The following ZBED4 variants were observed in gnomAD, a reference collection of about 807,000 sequenced individuals.
The protein encoded by ZBED4 is zinc finger BED domain-containing protein 4.
A neutral mutation model predicts 15.5 loss-of-function variants in ZBED4; 4 were observed. The ratio of observed to expected loss-of-function variants is 0.26; its 90% CI spans 0.13 to 0.59. The LOEUF (loss-of-function observed/expected upper bound fraction) is 0.59, where lower values mean the gene tolerates loss of function less well. ZBED4 is among the 20% of genes least tolerant of loss of function. The probability of loss-of-function intolerance (pLI) is 0.90; values close to 1 mark genes in which losing one functional copy is unlikely to be tolerated. For missense variants in ZBED4, 1,323 were observed against 1,461.8 expected, an observed-to-expected ratio of 0.91 and a Z score of 1.55; for synonymous variants, 692 against 608.5, an observed-to-expected ratio of 1.14 and a Z score of -2.02.
chr22:49,880,076 A>C (rs1467531460), intron 1 of ZBED4, among the ~76,000 whole-genome samples: 1 of 151,736 alleles, frequency 6.6e-6, no homozygotes, highest in Non-Finnish European at 1.5e-5. Context: ...TGCTGTTGAG[A>C]CTTGTTTTAG....
chr22:49,871,027 A>G (rs2060344713), intron 1 of ZBED4, among the ~76,000 whole-genome samples: 2 of 149,576 alleles, frequency 1.3e-5, no homozygotes, highest in South Asian at 2.1e-4. Flanking sequence ...TGCAACCTCC[A>G]TCTCCAGGGT....
chr22:49,880,372 C>T (rs967735614), intron 1 of ZBED4, among the ~76,000 whole-genome samples: 3 of 152,242 alleles, frequency 2.0e-5, no homozygotes, highest in Non-Finnish European at 4.4e-5. Flanking sequence ...GAGGAACCTC[C>T]GCAGGTCTGC....
Position 49,883,575 on chromosome 22 carries a change from G to A in ZBED4, c.-88G>A, listed in dbSNP as rs2147545570. On this transcript the variant is annotated 5_prime_UTR_variant, in exon 2 of 2. It removes the in-frame stop codon of an upstream open reading frame in the 5' UTR. Coordinates refer to ENST00000216268, the MANE Select transcript of ZBED4 (RefSeq NM_014838.3). ...AAAGATGGAATTATGACGAAAAAGTGAAGATAATCTACATTCGGGGGCACA... is the reference window on the plus strand; with the variant it reads ...AAAGATGGAATTATGACGAAAAAGTAAAGATAATCTACATTCGGGGGCACA... The A allele has an allele frequency of 1.4e-6, 2 of 1,429,996 alleles. No individual in the cohort carries two copies. The highest frequency in any genetic ancestry group is 2.3e-5 in the East Asian group (1 of 42,624). The allele number at this position is 1,429,996 out of a possible 1,614,324, so 88.6% of individuals were successfully genotyped here.
intron 1 of ZBED4, among the ~76,000 whole-genome samples, chr22:49,880,134 G>A (rs1601798904): frequency 6.6e-6 from 1 of 151,956 alleles, no homozygotes; most frequent in African/African-American, 2.4e-5. Flanking sequence ...TGAGGCTGGC[G>A]TTTAAGCTGT....
Position 49,886,782 on chromosome 22 carries a change from A to C in ZBED4, c.3120A>C (p.Ser1040=). The C allele has an allele frequency of 6.2e-7, 1 of 1,612,772 alleles. No individual in the cohort carries two copies. Among genetic ancestry groups the C allele is most frequent in the Non-Finnish European group, 8.5e-7 (1 of 1,179,354 alleles). The change falls in exon 2 of 2, where the codon TCA becomes TCC. Residue 1040 remains serine (S), a synonymous_variant. Transcript: ENST00000216268. The surrounding 1 kb of genome is among the most constrained non-coding windows in gnomAD (Gnocchi z 7.7). ...IRELELMNST[S]EDVAASHRCD... Reference sequence around the variant, plus strand: ...AACTCGAACTCATGAATTCTACCTCAGAGGACGTGGCTGCCTCCCACAGGT... The same window carrying C: ...AACTCGAACTCATGAATTCTACCTCCGAGGACGTGGCTGCCTCCCACAGGT...
rs1025745373 is a variant in ZBED4 at position 49,889,100 on chromosome 22, G to A, written c.*1922G>A. 6.0e-6 allele frequency: 1 copy of A among 167,208 alleles called. No individual in the cohort carries two copies. The highest frequency in any genetic ancestry group is 6.5e-5 in the Admixed American group (1 of 15,290). The allele number at this position is 167,208 out of a possible 1,614,324, so 10.4% of individuals were successfully genotyped here. On this transcript the variant is annotated 3_prime_UTR_variant, in exon 2 of 2. Coordinates refer to ENST00000216268, the MANE Select transcript of ZBED4 (RefSeq NM_014838.3). Reference sequence around the variant, plus strand: ...ATTGTATCCACTCATTCATTCAACTGAGATGAAGTGCCCTCCCTTTTCCAG... The same window carrying A: ...ATTGTATCCACTCATTCATTCAACTAAGATGAAGTGCCCTCCCTTTTCCAG...
intron 1 of ZBED4, among the ~76,000 whole-genome samples, chr22:49,859,624 T>C (rs986227251): frequency 3.3e-5 from 5 of 152,244 alleles, no homozygotes; most frequent in African/African-American, 1.2e-4. Flanking sequence ...GCTTGTCTGT[T>C]ATTGCTTAAT....
At position 49,884,415 on chromosome 22, in the gene ZBED4, G is replaced by A. The variant is rs2060425787; in HGVS notation, c.753G>A (p.Leu251=). 1.2e-6 allele frequency: 2 copies of A among 1,613,798 alleles called. No individual in the cohort carries two copies. The highest frequency in any genetic ancestry group is 1.7e-6 in the Non-Finnish European group (2 of 1,179,844). ...VSEKCGREEA[L]VGSSPHLPAL... is the part of the protein sequence containing the mutation. ...AGAAGTGCGGCAGAGAAGAAGCCCT[G>A]GTGGGGTCGTCTCCCCACCTCCCTG... The change falls in exon 2 of 2, where the codon CTG becomes CTA. Residue 251 remains leucine (L), a synonymous_variant. Transcript: ENST00000216268.
rs200532362 is a variant in ZBED4 at position 49,871,740 on chromosome 22, A to AATTT, written c.-329-11577_-329-11574dup. ...TGCTGAAGGGTGGGGTGGCTGTGAC[A>AATTT]ATTTATTTATTTATTTATTTTTTTT... is the stretch of plus-strand genomic sequence containing the variant. On this transcript the variant is annotated intron_variant, in intron 1 of 1. Coordinates refer to ENST00000216268, the MANE Select transcript of ZBED4 (RefSeq NM_014838.3). Among the ~76,000 whole-genome samples, 488 of 56,016 alleles carry AATTT rather than the reference A, an allele frequency of 8.7e-3. 14 individuals carry two copies. The East Asian group carries it at 0.16, about 18-fold the overall frequency. The allele number at this position is 56,016 out of a possible 152,430, so 36.7% of individuals were successfully genotyped here.
chr22:49,856,070 T>TC (rs1238294239), intron 1 of ZBED4, among the ~76,000 whole-genome samples: 1 of 152,194 alleles, frequency 6.6e-6, no homozygotes, highest in Non-Finnish European at 1.5e-5. Context: ...GCCCTTCTGC[T>TC]CCCCACTTTT....
intron 1 of ZBED4, among the ~76,000 whole-genome samples, chr22:49,876,506 T>C (rs1054874128): frequency 6.6e-6 from 1 of 152,226 alleles, no homozygotes; most frequent in Non-Finnish European, 1.5e-5. Flanking sequence ...GACCCCCTTA[T>C]AATTTTGTGA....
At chr22:49,873,667 A>C (rs1476540796) in intron 1 of ZBED4, among the ~76,000 whole-genome samples, 4 of 148,250 alleles carry the variant, frequency 2.7e-5, no homozygotes, top group African/African-American at 1.1e-4. Context: ...TGCAAAGAGC[A>C]GTAAAGCGAG....
In ZBED4 at chr22:49,888,430, T is replaced by C. The variant is rs890933474; in HGVS notation, c.*1252T>C. The C allele has an allele frequency of 3.0e-5, 5 of 167,298 alleles. No individual in the cohort carries two copies. The highest frequency in any genetic ancestry group is 7.3e-5 in the Non-Finnish European group (5 of 68,132). 10.4% of individuals were successfully genotyped at this position (167,298 alleles called of 1,614,324 possible). On this transcript the variant is annotated 3_prime_UTR_variant, in exon 2 of 2. Transcript: ENST00000216268. ...ACTCAGTTTCTGAAATTAAACTTCT[T>C]ATTTGCAATTTTCTAGTGCTGGCAG...
intron 1 of ZBED4, among the ~76,000 whole-genome samples, chr22:49,870,719 T>C (rs2060342687): frequency 6.6e-6 from 1 of 152,152 alleles, no homozygotes; most frequent in Non-Finnish European, 1.5e-5. Flanking sequence ...TTCAGACCTT[T>C]GTCAGATGCA....
intron 1 of ZBED4, among the ~76,000 whole-genome samples, chr22:49,882,827 C>T (rs939485459): frequency 6.6e-6 from 1 of 152,236 alleles, no homozygotes; most frequent in Admixed American, 6.5e-5. Flanking sequence ...GGACGCCTTT[C>T]CCTTCTCAGA....
chr22:49,877,612 G>C (rs992748445), intron 1 of ZBED4, among the ~76,000 whole-genome samples: 20 of 151,804 alleles, frequency 1.3e-4, no homozygotes, highest in African/African-American at 4.4e-4. Flanking sequence ...GCTTTATTTG[G>C]GTATAATTGA....
Position 49,854,180 on chromosome 22 carries a change from G to A in ZBED4, c.-330+191G>A, listed in dbSNP as rs2060264807. Among the ~76,000 whole-genome samples, 4 of 146,412 alleles carry A rather than the reference G, an allele frequency of 2.7e-5. No individual in the cohort carries two copies. In the South Asian group the frequency reaches 8.3e-4, roughly 30 times the overall value. ...GCCGCCCCGGACCCGCCCCCGCGCGGACCCCGGCCCTGACAGCTGGCGCGG... is the reference window on the plus strand; with the variant it reads ...GCCGCCCCGGACCCGCCCCCGCGCGAACCCCGGCCCTGACAGCTGGCGCGG... On this transcript the variant is annotated intron_variant, in intron 1 of 1. Transcript: ENST00000216268.
At position 49,883,642 on chromosome 22, in the gene ZBED4, C is replaced by A; in HGVS notation, c.-21C>A. The A allele has an allele frequency of 6.6e-7, 1 of 1,522,390 alleles. No individual in the cohort carries two copies. 94.3% of individuals were successfully genotyped at this position (1,522,390 alleles called of 1,614,324 possible). A position where few individuals can be genotyped will look rare whatever the true frequency, so the allele number is the denominator to read the frequency against. ...AGTGTTTTATGAACCTAAGATACAG[C>A]CGGAGTAGTTATGGTCAGTCATGGA... On this transcript the variant is annotated 5_prime_UTR_variant, in exon 2 of 2. Transcript: ENST00000216268.
At chr22:49,878,418 T>C (rs1382871130) in intron 1 of ZBED4, among the ~76,000 whole-genome samples, 1 of 151,898 alleles carries the variant, frequency 6.6e-6, no homozygotes. Flanking sequence ...AAGAAGAGAT[T>C]GGTGGAGCGA....
Sources: allele counts gnomAD v4.1 joint callset (sites outside exome capture counted in the v4.1 genomes callset), GRCh38; gene constraint gnomAD v4.1.1; non-coding constraint Gnocchi (gnomAD v3.1); transcripts MANE v1.5; gene names NCBI Gene and HGNC (gene_info 2026-07-23, HGNC 2026-07-21).